Variants in SYT14 observed in about 807,000 individuals in gnomAD.
SYT14 encodes synaptotagmin 14.
Under a neutral mutation model 74.2 loss-of-function variants are expected in SYT14, and 32 were observed. That is an observed-to-expected ratio of 0.43 (90% confidence interval 0.33 to 0.58). The LOEUF (loss-of-function observed/expected upper bound fraction) is 0.58, where lower values mean the gene tolerates loss of function less well. Ranked by LOEUF, SYT14 falls within the 20% of genes least tolerant of loss-of-function variation. The probability of loss-of-function intolerance (pLI) is 0.05; values close to 1 mark genes in which losing one functional copy is unlikely to be tolerated. For missense variants in SYT14, 791 were observed against 981.8 expected (o/e 0.81, Z 2.60); for synonymous variants, 298 against 337.7 (o/e 0.88, Z 1.29).
chr1:210,050,629 A>T (rs893165323), intron 5 of SYT14, among the ~76,000 whole-genome samples: 2 of 152,196 alleles, frequency 1.3e-5, no homozygotes, highest in Non-Finnish European at 2.9e-5. Flanking sequence ...AAAGAGGTTT[A>T]TTGGACGTAC....
At chr1:209,998,305 C>T (rs1170433278) in intron 2 of SYT14, among the ~76,000 whole-genome samples, 2 of 151,712 alleles carry the variant, frequency 1.3e-5, no homozygotes, top group Non-Finnish European at 2.9e-5. Context: ...TGAAGAGGAC[C>T]CAAACAAATG....
At chr1:210,092,115 C>G (rs1397970669) in intron 5 of SYT14, among the ~76,000 whole-genome samples, 1 of 152,074 alleles carries the variant, frequency 6.6e-6, no homozygotes, top group Non-Finnish European at 1.5e-5. Flanking sequence ...TAAACTATAT[C>G]CATTGAGAAT....
At chr1:210,100,514 A>T in intron 7 of SYT14, 53 bp downstream of exon 6, 2 of 1,554,554 alleles carry the variant, frequency 1.3e-6, no homozygotes, top group Non-Finnish European at 1.8e-6. Flanking sequence ...GGTTTATAGT[A>T]TGCACAATTT....
At chr1:209,946,136 A>C (rs2078820232) in intron 1 of SYT14, among the ~76,000 whole-genome samples, 2 of 152,170 alleles carry the variant, frequency 1.3e-5, no homozygotes, top group African/African-American at 2.4e-5. Flanking sequence ...TGTTCCACCA[A>C]TCAGTTATTC....
At chr1:210,007,954 A>G (rs758810181) in intron 2 of SYT14, among the ~76,000 whole-genome samples, 26 of 152,220 alleles carry the variant, frequency 1.7e-4, no homozygotes, top group Admixed American at 2.6e-4. Context: ...GCAAATGGGA[A>G]GCTAAGAGAT....
intron 2 of SYT14, among the ~76,000 whole-genome samples, chr1:209,999,679 T>C (rs1280513114): frequency 6.6e-6 from 1 of 152,074 alleles, no homozygotes; most frequent in African/African-American, 2.4e-5. Context: ...ATGCTCTCAC[T>C]CATATGTGGG....
intron 5 of SYT14, among the ~76,000 whole-genome samples, chr1:210,027,765 C>A (rs1267413816): frequency 6.6e-6 from 1 of 152,160 alleles, no homozygotes; most frequent in Middle Eastern, 3.4e-3. Context: ...GGGAAATAAT[C>A]TTGACTCTTT....
chr1:210,040,000 A>G (rs1029399149), intron 5 of SYT14, among the ~76,000 whole-genome samples: 2 of 152,148 alleles, frequency 1.3e-5, no homozygotes, highest in African/African-American at 2.4e-5. Flanking sequence ...AGAACCAGAA[A>G]TACCGTTAGA....
chr1:210,157,801 G>T (rs2083297992), intron 8 of SYT14, among the ~76,000 whole-genome samples: 2 of 151,368 alleles, frequency 1.3e-5, no homozygotes. Context: ...AATAAAGGAG[G>T]GGTAACTTTT....
At chr1:210,065,306 C>T (rs895656901) in intron 5 of SYT14, among the ~76,000 whole-genome samples, 5 of 151,968 alleles carry the variant, frequency 3.3e-5, no homozygotes, top group African/African-American at 7.2e-5. Flanking sequence ...ATCATGGGGG[C>T]GGTTACCTCT....
At chr1:210,000,320 A>G (rs1238918292) in intron 2 of SYT14, among the ~76,000 whole-genome samples, 1 of 152,052 alleles carries the variant, frequency 6.6e-6, no homozygotes, top group Non-Finnish European at 1.5e-5. Context: ...AGGGTAGTAG[A>G]GTTGTTGTGA....
At chr1:210,152,274 G>A (rs1029842069) in intron 7 of SYT14, among the ~76,000 whole-genome samples, 2 of 152,084 alleles carry the variant, frequency 1.3e-5, no homozygotes, top group Non-Finnish European at 2.9e-5. Context: ...CTGTATATTA[G>A]TCCAACAAGT....
At chr1:209,988,974 C>A (rs760602993) in intron 2 of SYT14, among the ~76,000 whole-genome samples, 40 of 152,200 alleles carry the variant, frequency 2.6e-4, no homozygotes, top group Admixed American at 9.8e-4. Flanking sequence ...AGGTTTATCT[C>A]CTCAACACTC....
At chr1:209,962,201 T>C (rs1242953710) in intron 2 of SYT14, among the ~76,000 whole-genome samples, 3 of 151,990 alleles carry the variant, frequency 2.0e-5, no homozygotes, top group African/African-American at 7.2e-5. Context: ...TAAAAAATAT[T>C]GTCATAATAT....
intron 1 of SYT14, among the ~76,000 whole-genome samples, chr1:209,938,552 TACAGC>T (rs1186477836): frequency 1.3e-5 from 2 of 151,740 alleles, no homozygotes; most frequent in African/African-American, 2.4e-5. Flanking sequence ...GGCGGGCAGG[TACAGC>T]GTCCGGGCCG....
intron 2 of SYT14, among the ~76,000 whole-genome samples, chr1:209,973,685 C>A (rs2079301615): frequency 6.6e-6 from 1 of 152,274 alleles, no homozygotes; most frequent in East Asian, 1.9e-4. Context: ...GTGCATGTGT[C>A]TTTATAGCAG....
At chr1:209,940,969 C>G (rs1179536112) in intron 1 of SYT14, among the ~76,000 whole-genome samples, 1 of 152,120 alleles carries the variant, frequency 6.6e-6, no homozygotes, top group Non-Finnish European at 1.5e-5. Context: ...TGGCACAGAG[C>G]GAGGCTGTAA....
chr1:210,129,742 A>G (rs1363834870), intron 7 of SYT14, among the ~76,000 whole-genome samples: 1 of 152,178 alleles, frequency 6.6e-6, no homozygotes, highest in East Asian at 1.9e-4. Flanking sequence ...ATTTCACACA[A>G]TCAGTGTCTT....
chr1:210,098,195 G>T (rs2081999136), intron 6 of SYT14, among the ~76,000 whole-genome samples: 1 of 151,128 alleles, frequency 6.6e-6, no homozygotes, highest in African/African-American at 2.4e-5. Context: ...AAAAAATTAA[G>T]GACTCATGTC....
Sources: allele counts gnomAD v4.1 joint callset (sites outside exome capture counted in the v4.1 genomes callset), GRCh38; gene constraint gnomAD v4.1.1; transcripts MANE v1.5; gene names NCBI Gene and HGNC (gene_info 2026-07-23, HGNC 2026-07-21).